PARD3: variants seen among roughly 807,000 people sequenced by gnomAD.
PARD3 encodes partitioning defective 3 homolog.
Under a neutral mutation model 155.4 loss-of-function variants are expected in PARD3, and 75 were observed. That is an observed-to-expected ratio of 0.48 (90% CI 0.40 to 0.58). PARD3 has a LOEUF of 0.58. Ranked by LOEUF, PARD3 falls within the 20% of genes least tolerant of loss-of-function variation. The pLI, the probability that PARD3 is intolerant of heterozygous loss-of-function variation, is 0.00. For missense variants in PARD3, 1,642 were observed against 1,721.7 expected (o/e 0.95, Z 0.82); for synonymous variants, 576 against 610.5 (o/e 0.94, Z 0.83).
intron 2 of PARD3, among the ~76,000 whole-genome samples, chr10:34,676,204 C>G (rs571661054): frequency 6.6e-6 from 1 of 152,150 alleles, no homozygotes; most frequent in Admixed American, 6.5e-5. Flanking sequence ...CCCAAAGAAG[C>G]GCACACAAAA....
At chr10:34,250,749 A>G (rs556081049) in intron 22 of PARD3, among the ~76,000 whole-genome samples, 1 of 145,408 alleles carries the variant, frequency 6.9e-6, no homozygotes, top group South Asian at 2.4e-4. Flanking sequence ...ATTTATTAAC[A>G]TAGAACTTAT....
At chr10:34,397,078 T>C (rs1843416756) in intron 7 of PARD3, among the ~76,000 whole-genome samples, 1 of 152,222 alleles carries the variant, frequency 6.6e-6, no homozygotes, top group African/African-American at 2.4e-5. Flanking sequence ...CGTTCATCTT[T>C]GTTTCCTAGC....
rs144505272 is a variant in PARD3 at position 34,705,566 on chromosome 10, C to T, written c.121-9147G>A. Among the ~76,000 whole-genome samples, 372 of 152,174 alleles carry T rather than the reference C, an allele frequency of 2.4e-3. 9 individuals carry two copies. Among genetic ancestry groups the T allele is most frequent in the Admixed American group, 0.023 (351 of 15,292 alleles). On this transcript the variant is annotated intron_variant, in intron 1 of 24. Coordinates refer to ENST00000374788, the MANE Select transcript of PARD3 (RefSeq NM_001184785.2). ...CTTCAATCTTGTTACAGGAACACTGCTAAACATTATACAAATGTTTGTGTT... is the reference window on the plus strand; with the variant it reads ...CTTCAATCTTGTTACAGGAACACTGTTAAACATTATACAAATGTTTGTGTT...
chr10:34,559,451 GA>G (rs10568249), intron 2 of PARD3, among the ~76,000 whole-genome samples: 23,963 of 135,884 alleles, frequency 0.18, 4,522 homozygotes, highest in African/African-American at 0.48. Flanking sequence ...AAAAAAAAAT[GA>G]AAAAAAAAAA....
At chr10:34,145,189 GTATATATATATATATATA>G (rs575139416) in intron 22 of PARD3, among the ~76,000 whole-genome samples, 1 of 49,610 alleles carries the variant, frequency 2.0e-5, no homozygotes. Context: ...GTGTGTGTGT[GTATATATATATATATATA>G]TATATATATA....
At chr10:34,371,136 C>T (rs1840560406) in intron 12 of PARD3, among the ~76,000 whole-genome samples, 3 of 151,926 alleles carry the variant, frequency 2.0e-5, no homozygotes, top group Admixed American at 2.0e-4. Flanking sequence ...TACTCTGCCA[C>T]AATTATTGTC....
At chr10:34,515,972 C>CTTT (rs11398185) in intron 3 of PARD3, among the ~76,000 whole-genome samples, 3 of 149,178 alleles carry the variant, frequency 2.0e-5, no homozygotes, top group Non-Finnish European at 3.0e-5. Flanking sequence ...ATAAATAATC[C>CTTT]TTTTTTTTTT....
intron 22 of PARD3, 142 bp downstream of exon 22, chr10:34,269,515 A>C: frequency 1.2e-6 from 1 of 840,542 alleles, no homozygotes; most frequent in Non-Finnish European, 1.9e-6. Context: ...TGTAAACTCA[A>C]TACTTTTAGA....
At chr10:34,532,451 C>T (rs1462171501) in intron 2 of PARD3, among the ~76,000 whole-genome samples, 2 of 152,142 alleles carry the variant, frequency 1.3e-5, no homozygotes, top group Non-Finnish European at 2.9e-5. Context: ...CTGGGCTCAT[C>T]ACGTGTTTTC....
intron 2 of PARD3, among the ~76,000 whole-genome samples, chr10:34,693,728 G>A (rs2094112826): frequency 6.6e-6 from 1 of 152,100 alleles, no homozygotes; most frequent in Admixed American, 6.6e-5. Context: ...AAAAATAAGA[G>A]GCTGAGGCAG....
At chr10:34,434,660 G>A (rs2076102470) in intron 5 of PARD3, among the ~76,000 whole-genome samples, 1 of 152,204 alleles carries the variant, frequency 6.6e-6, no homozygotes, top group Non-Finnish European at 1.5e-5. Context: ...AGTGACCCAG[G>A]TGAGAGCTGT....
chr10:34,772,343 A>T (rs1564604104), intron 1 of PARD3, among the ~76,000 whole-genome samples: 1 of 152,046 alleles, frequency 6.6e-6, no homozygotes, highest in Admixed American at 6.6e-5. Context: ...TCTCAAAAAC[A>T]AATAAAAAAT....
At chr10:34,307,038 C>CT (rs1957448918) in intron 20 of PARD3, among the ~76,000 whole-genome samples, 1 of 130,698 alleles carries the variant, frequency 7.7e-6, no homozygotes, top group African/African-American at 3.3e-5. Context: ...AGGCACCCGC[C>CT]ACCACGCCCG....
At chr10:34,778,641 G>T (rs1839886328) in intron 1 of PARD3, among the ~76,000 whole-genome samples, 3 of 97,896 alleles carry the variant, frequency 3.1e-5, no homozygotes, top group Non-Finnish European at 2.3e-5. Context: ...ACACTGTTCA[G>T]AAGATCTACA....
At chr10:34,227,856 T>TTATATATATATATATATATA (rs55681930) in intron 22 of PARD3, among the ~76,000 whole-genome samples, 1,329 of 81,778 alleles carry the variant, frequency 0.016, 48 homozygotes, top group Non-Finnish European at 0.023. Flanking sequence ...GAATTATTTT[T>TTATATATATATATATATATA]TATATATATA....
intron 2 of PARD3, among the ~76,000 whole-genome samples, chr10:34,600,371 T>C (rs956860875): frequency 2.6e-5 from 4 of 151,536 alleles, no homozygotes; most frequent in Non-Finnish European, 4.4e-5. Context: ...CATTAATTAA[T>C]TAAAATAAAA....
intron 2 of PARD3, among the ~76,000 whole-genome samples, chr10:34,694,470 CT>C (rs34628015): frequency 0.33 from 33,780 of 101,724 alleles, 5,384 homozygotes; most frequent in African/African-American, 0.38. Context: ...AAAACTTCTG[CT>C]TTTTTTTTTT....
At chr10:34,516,276 T>C (rs940657097) in intron 3 of PARD3, among the ~76,000 whole-genome samples, 1 of 152,232 alleles carries the variant, frequency 6.6e-6, no homozygotes, top group Admixed American at 6.5e-5. Context: ...AAAAATCTTT[T>C]AACCTTACAC....
chr10:34,360,359 G>T, intron 12 of PARD3, 100 bp from the exon 13 acceptor site: 4 of 772,564 alleles, frequency 5.2e-6, no homozygotes, highest in Non-Finnish European at 8.4e-6. Context: ...ATCATAAGAG[G>T]CAAAATATTT....
Sources: allele counts gnomAD v4.1 joint callset (sites outside exome capture counted in the v4.1 genomes callset), GRCh38; gene constraint gnomAD v4.1.1; transcripts MANE v1.5; gene names NCBI Gene and HGNC (gene_info 2026-07-23, HGNC 2026-07-21).